ELAPOR2: variants seen among roughly 807,000 people sequenced by gnomAD.
The protein encoded by ELAPOR2 is endosome-lysosome associated apoptosis and autophagy regulator family member 2.
In ELAPOR2, 89 loss-of-function variants were observed where a neutral mutation model predicts 120.7. The observed-to-expected ratio is 0.74, with a 90% CI of 0.62 to 0.88. The LOEUF is 0.88. ELAPOR2 is among the 40% of genes least tolerant of loss of function. The probability of loss-of-function intolerance (pLI) is 0.00; values close to 1 mark genes in which losing one functional copy is unlikely to be tolerated. For synonymous variants in ELAPOR2, 444 were observed against 444.9 expected (o/e 1.00, Z 0.03); for missense variants, 1,134 against 1,251.6 (o/e 0.91, Z 1.42).
At chr7:86,897,665 G>A (rs979953380) in intron 18 of ELAPOR2, 33 bp from the exon 19 acceptor site, 23 of 1,611,492 alleles carry the variant, frequency 1.4e-5, no homozygotes, top group Non-Finnish European at 1.8e-5. Flanking sequence ...AAACACATAA[G>A]TGGCAGCTTT....
chr7:87,001,142 CT>C (rs1276790913), intron 1 of ELAPOR2, among the ~76,000 whole-genome samples: 2 of 152,106 alleles, frequency 1.3e-5, no homozygotes, highest in African/African-American at 4.8e-5. Flanking sequence ...AGACCTCCAG[CT>C]GATTGTGAGG....
chr7:87,045,659 G>T (rs1191086415), intron 1 of ELAPOR2, among the ~76,000 whole-genome samples: 3 of 151,656 alleles, frequency 2.0e-5, no homozygotes, highest in Non-Finnish European at 4.4e-5. Context: ...CCTAATGCTA[G>T]ATGACGAGTT....
intron 1 of ELAPOR2, among the ~76,000 whole-genome samples, chr7:87,007,938 A>G (rs1583984339): frequency 6.6e-6 from 1 of 152,352 alleles, no homozygotes; most frequent in African/African-American, 2.4e-5. Context: ...GCAGAGAAAG[A>G]ATGACAAAGT....
At chr7:86,945,521 C>T (rs920606000) in intron 3 of ELAPOR2, among the ~76,000 whole-genome samples, 3 of 152,108 alleles carry the variant, frequency 2.0e-5, no homozygotes, top group Admixed American at 2.0e-4. Context: ...CAGTGATGGA[C>T]TTGGCTTTGA....
intron 1 of ELAPOR2, among the ~76,000 whole-genome samples, chr7:87,057,890 G>A (rs1253714295): frequency 6.6e-6 from 1 of 152,168 alleles, no homozygotes; most frequent in Non-Finnish European, 1.5e-5. Context: ...GAAGTTGGGG[G>A]CTGGAGGATA....
At chr7:86,881,169 G>T (rs936445517) in intron 21 of ELAPOR2, among the ~76,000 whole-genome samples, 6 of 152,008 alleles carry the variant, frequency 3.9e-5, no homozygotes, top group Non-Finnish European at 8.8e-5. Context: ...AATGAGGAAA[G>T]GAGAAAGAGG....
chr7:86,890,054 C>G (rs1788065990), intron 21 of ELAPOR2, among the ~76,000 whole-genome samples: 1 of 151,708 alleles, frequency 6.6e-6, no homozygotes, highest in African/African-American at 2.4e-5. Flanking sequence ...AAATTTGATC[C>G]CAGCTTCAGT....
intron 1 of ELAPOR2, among the ~76,000 whole-genome samples, chr7:86,990,177 G>T (rs1374278082): frequency 6.6e-6 from 1 of 152,032 alleles, no homozygotes; most frequent in Non-Finnish European, 1.5e-5. Context: ...CTCCTGAGTA[G>T]CTGGGACTAC....
rs116407115 is a variant in ELAPOR2 at position 86,889,602 on chromosome 7, C to T, written c.3030+2122G>A. Among the ~76,000 whole-genome samples the T allele has an allele frequency of 3.9e-3, 600 of 151,936 alleles. 5 individuals are homozygous for T. Among genetic ancestry groups the T allele is most frequent in the African/African-American group, 0.014 (581 of 41,474 alleles). ...GACAAGGCAGTACAGTAGGAGATTT[C>T]GTCACACTATTCAGAGGAGCACACA... is the stretch of plus-strand genomic sequence containing the variant. On this transcript the variant is annotated intron_variant, in intron 21 of 21. Transcript: ENST00000450689.
intron 13 of ELAPOR2, among the ~76,000 whole-genome samples, chr7:86,913,506 T>C (rs1789421522): frequency 1.3e-5 from 2 of 152,142 alleles, no homozygotes; most frequent in Non-Finnish European, 2.9e-5. Flanking sequence ...GAAGAACTAG[T>C]ATAGTTTAAG....
intron 15 of ELAPOR2, chr7:86,911,828 C>T (rs1330609833): frequency 1.7e-6 from 1 of 577,152 alleles, no homozygotes; most frequent in East Asian, 3.2e-5. Flanking sequence ...TACACCATAG[C>T]TCCAAGCTTC....
At chr7:87,051,670 C>A (rs1795105984) in intron 1 of ELAPOR2, among the ~76,000 whole-genome samples, 1 of 152,192 alleles carries the variant, frequency 6.6e-6, no homozygotes, top group Admixed American at 6.5e-5. Flanking sequence ...GCATTAGATT[C>A]TTAAATACCT....
chr7:86,938,636 C>A (rs1790670491), intron 7 of ELAPOR2, among the ~76,000 whole-genome samples, 172 bp downstream of exon 7: 1 of 152,036 alleles, frequency 6.6e-6, no homozygotes, highest in African/African-American at 2.4e-5. Flanking sequence ...TGGGGAAAGT[C>A]ATGCAGAAAC....
intron 10 of ELAPOR2, among the ~76,000 whole-genome samples, chr7:86,921,908 C>A (rs1040135355): frequency 2.6e-5 from 4 of 151,864 alleles, no homozygotes. Context: ...AATATGTGAG[C>A]CACACCTGTG....
chr7:86,947,709 GC>G lies in ELAPOR2; in HGVS notation c.506+17del, dbSNP rs1239558872. 6.5e-7 allele frequency: 1 copy of G among 1,542,508 alleles called. No homozygotes were observed. Among genetic ancestry groups the G allele is most frequent in the Admixed American group, 2.0e-5 (1 of 50,700 alleles). ...TCAAATATTCAGTTAAGAGCCAAAG[GC>G]TGCTTTGGATTCTTACTTGTTACAG... On this transcript the variant is annotated intron_variant, in intron 3 of 21. Transcript: ENST00000450689.
At chr7:87,002,698 C>G (rs1198218041) in intron 1 of ELAPOR2, among the ~76,000 whole-genome samples, 1 of 152,124 alleles carries the variant, frequency 6.6e-6, no homozygotes, top group Non-Finnish European at 1.5e-5. Context: ...GCCTCCCACT[C>G]AACTACCTAC....
chr7:87,009,690 C>G (rs985289505), intron 1 of ELAPOR2, among the ~76,000 whole-genome samples: 1 of 152,098 alleles, frequency 6.6e-6, no homozygotes, highest in Admixed American at 6.5e-5. Flanking sequence ...CTGGTGTTTC[C>G]AAATCCTTTC....
chr7:86,973,792 C>T (rs1792183221), intron 1 of ELAPOR2, among the ~76,000 whole-genome samples: 1 of 152,098 alleles, frequency 6.6e-6, no homozygotes. Flanking sequence ...CTCCTTGGCC[C>T]ACAGACTGTA....
At chr7:86,967,362 T>C (rs551575684) in intron 1 of ELAPOR2, among the ~76,000 whole-genome samples, 60 of 152,170 alleles carry the variant, frequency 3.9e-4, no homozygotes, top group Non-Finnish European at 4.3e-4. Flanking sequence ...GGCTGGGGCA[T>C]GAGAATCACT....
Sources: allele counts gnomAD v4.1 joint callset (sites outside exome capture counted in the v4.1 genomes callset), GRCh38; gene constraint gnomAD v4.1.1; transcripts MANE v1.5; gene names NCBI Gene and HGNC (gene_info 2026-07-23, HGNC 2026-07-21).